AASDHPPT: variants seen among roughly 807,000 people sequenced by gnomAD.
AASDHPPT encodes aminoadipate-semialdehyde dehydrogenase-phosphopantetheinyl transferase, also known as L-aminoadipate-semialdehyde dehydrogenase-phosphopantetheinyl transferase.
In AASDHPPT, 23 loss-of-function variants were observed where a neutral mutation model predicts 36.4. The ratio of observed to expected loss-of-function variants is 0.63; its 90% CI spans 0.45 to 0.89. The LOEUF (loss-of-function observed/expected upper bound fraction) is 0.89, where lower values mean the gene tolerates loss of function less well. AASDHPPT is among the 40% of genes least tolerant of loss of function. AASDHPPT has a pLI of 0.00. For synonymous variants in AASDHPPT, 115 were observed against 128.0 expected (o/e 0.90, Z 0.68); for missense variants, 377 against 378.2 (o/e 1.00, Z 0.03).
chr11:106,089,528 T>C (rs962225164), intron 2 of AASDHPPT: 1 of 152,024 alleles, frequency 6.6e-6, no homozygotes, highest in Non-Finnish European at 1.5e-5. Flanking sequence ...TCACTTACCT[T>C]GGAACAGGCT....
At chr11:106,093,364 G>T (rs1220789989) in intron 4 of AASDHPPT, 1 of 151,976 alleles carries the variant, frequency 6.6e-6, no homozygotes, top group Non-Finnish European at 1.5e-5. Flanking sequence ...TATCTTATAT[G>T]CTAAATTTCT....
intron 2 of AASDHPPT, among the ~76,000 whole-genome samples, chr11:106,085,370 G>A (rs1186924622): frequency 6.6e-6 from 1 of 152,146 alleles, no homozygotes; most frequent in African/African-American, 2.4e-5. Flanking sequence ...CAAAGTGCTG[G>A]GATTACAGGC....
chr11:106,097,797 T>C lies in AASDHPPT; in HGVS notation c.*890T>C, dbSNP rs1049949727. 1 of 152,132 alleles carries C rather than the reference T, an allele frequency of 6.6e-6. No individual in the cohort carries two copies. Among genetic ancestry groups the C allele is most frequent in the African/African-American group, 2.4e-5 (1 of 41,444 alleles). The allele number at this position is 152,132 out of a possible 1,614,324, so 9.4% of individuals were successfully genotyped here. ...TGACATTTTTGGTCTCTGTTAGAAGTAGACTCTGTTGAAAAGAAAGAAGCT... is the reference window on the plus strand; with the variant it reads ...TGACATTTTTGGTCTCTGTTAGAAGCAGACTCTGTTGAAAAGAAAGAAGCT... On this transcript the variant is annotated 3_prime_UTR_variant, in exon 6 of 6. Coordinates refer to ENST00000278618, the MANE Select transcript of AASDHPPT (RefSeq NM_015423.3).
Position 106,096,776 on chromosome 11 carries a change from A to T in AASDHPPT, c.799A>T (p.Arg267Trp). 1 of 1,607,186 alleles carries T rather than the reference A, an allele frequency of 6.2e-7. No individual in the cohort carries two copies. Among genetic ancestry groups the T allele is most frequent in the South Asian group, 1.1e-5 (1 of 89,508 alleles). ...PSQDDSKPTQ[R>W]QFTILNFNDL... Reference sequence around the variant, plus strand: ...TCAGGATGATTCCAAACCAACCCAGAGGCAATTTACTATTCTCAACTTTAA... The same window carrying T: ...TCAGGATGATTCCAAACCAACCCAGTGGCAATTTACTATTCTCAACTTTAA... The change falls in exon 6 of 6, where the codon AGG (arginine) becomes TGG (tryptophan). Residue 267 changes from arginine (R) to tryptophan (W), a missense_variant. Physicochemically the swap from Arg to Trp is moderately radical, Grantham distance 101 (BLOSUM62 -3). Transcript: ENST00000278618.
intron 5 of AASDHPPT, 34 bp from the exon 6 acceptor site, chr11:106,096,709 T>TATAACA: frequency 6.7e-7 from 1 of 1,502,438 alleles, no homozygotes; most frequent in Non-Finnish European, 8.9e-7. Flanking sequence ...TAACATGCAA[T>TATAACA]ATAACAATAA....
chr11:106,091,447 T>A lies in AASDHPPT; in HGVS notation c.663T>A (p.Asp221Glu), dbSNP rs771993454. 1 of 1,586,834 alleles carries A rather than the reference T, an allele frequency of 6.3e-7. No homozygotes were observed. The highest frequency in any genetic ancestry group is 2.3e-5 in the East Asian group (1 of 44,244). Residue 221 changes from aspartate to glutamate, a missense_variant, in exon 4 of 6, where the codon GAT becomes GAA. Physicochemically the swap from Asp to Glu is conservative, Grantham distance 45. Transcript: ENST00000278618. ...QVYKETRLFL[D>E]GEEEKEWAFE... ...ATAAAGAAACACGTTTATTCCTGGATGGAGAGGAAGAAAAAGAATGGGCAT... is the reference window on the plus strand; with the variant it reads ...ATAAAGAAACACGTTTATTCCTGGAAGGAGAGGAAGAAAAAGAATGGGCAT...
intron 4 of AASDHPPT, chr11:106,093,344 A>G (rs1437346047): frequency 1.3e-5 from 2 of 152,256 alleles, no homozygotes; most frequent in African/African-American, 2.4e-5. Context: ...TTCAATACAT[A>G]TAAGAACTAT....
Position 106,079,309 on chromosome 11 carries a change from A to AT in AASDHPPT, c.184-156dup, listed in dbSNP as rs576251461. The stretch of plus-strand genomic sequence containing the variant: ...GCTTTAACTTTTTATCTACTTAAGC[A>AT]TTGCTTAAGTCTTAATTAACGTGTG... On this transcript the variant is annotated intron_variant, in intron 1 of 5. Transcript: ENST00000278618. 3.3e-5 allele frequency among the ~76,000 whole-genome samples: 5 copies of AT among 152,328 alleles called. No homozygotes were observed. In the South Asian group the frequency reaches 1.0e-3, roughly 32 times the overall value.
intron 2 of AASDHPPT, among the ~76,000 whole-genome samples, chr11:106,083,565 G>T (rs1861166164): frequency 6.6e-6 from 1 of 152,098 alleles, no homozygotes; most frequent in Non-Finnish European, 1.5e-5. Context: ...TGCCTTACCA[G>T]TTTCAAAAAC....
intron 2 of AASDHPPT, among the ~76,000 whole-genome samples, chr11:106,080,930 G>A (rs1198305549): frequency 6.6e-6 from 1 of 152,116 alleles, no homozygotes; most frequent in African/African-American, 2.4e-5. Flanking sequence ...TCTAAGCTAG[G>A]TTCTTTTGTT....
chr11:106,087,870 C>T (rs1042411871), intron 2 of AASDHPPT, among the ~76,000 whole-genome samples: 4 of 152,154 alleles, frequency 2.6e-5, no homozygotes, highest in African/African-American at 9.7e-5. Context: ...ATTATTAGAA[C>T]TTGCCAACGT....
At chr11:106,088,152 TA>T (rs1259430667) in intron 2 of AASDHPPT, among the ~76,000 whole-genome samples, 3 of 152,090 alleles carry the variant, frequency 2.0e-5, no homozygotes, top group Non-Finnish European at 2.9e-5. Flanking sequence ...TCGTATCGGA[TA>T]TTTTTTGGCT....
At chr11:106,092,328 A>G (rs997293631) in intron 4 of AASDHPPT, 1 of 152,154 alleles carries the variant, frequency 6.6e-6, no homozygotes, top group Non-Finnish European at 1.5e-5. Flanking sequence ...AACGGGCTAT[A>G]GAGCAGTTCT....
intron 2 of AASDHPPT, among the ~76,000 whole-genome samples, chr11:106,083,498 T>G (rs570734312): frequency 6.6e-6 from 1 of 152,276 alleles, no homozygotes; most frequent in East Asian, 1.9e-4. Flanking sequence ...TTACATACAT[T>G]TAAAGTTGTT....
chr11:106,086,536 A>C (rs1187529458), intron 2 of AASDHPPT, among the ~76,000 whole-genome samples: 1 of 152,202 alleles, frequency 6.6e-6, no homozygotes, highest in Non-Finnish European at 1.5e-5. Flanking sequence ...AGTAGAGTCC[A>C]TTCTCTGGCC....
chr11:106,079,394 G>T lies in AASDHPPT; in HGVS notation c.184-73G>T, dbSNP rs558125241. ...TGAAAATTTTAGAAACCAAAAAAAA[G>T]TACTATTGCATACAGTGTGCTTGTA... On this transcript the variant is annotated intron_variant, in intron 1 of 5. Coordinates refer to ENST00000278618, the MANE Select transcript of AASDHPPT (RefSeq NM_015423.3). 38 of 1,290,680 alleles carry T rather than the reference G, an allele frequency of 2.9e-5. No homozygotes were observed. In the African/African-American group the frequency reaches 4.5e-4, roughly 15 times the overall value. 80.0% of individuals were successfully genotyped at this position (1,290,680 alleles called of 1,614,324 possible).
chr11:106,082,455 G>C (rs896255714), intron 2 of AASDHPPT, among the ~76,000 whole-genome samples: 1 of 152,160 alleles, frequency 6.6e-6, no homozygotes, highest in Non-Finnish European at 1.5e-5. Context: ...AAAGTACTCT[G>C]TTTTGTACTA....
chr11:106,080,619 CAT>C (rs1463335925), intron 2 of AASDHPPT, among the ~76,000 whole-genome samples: 3 of 152,128 alleles, frequency 2.0e-5, no homozygotes, highest in Admixed American at 2.0e-4. Flanking sequence ...GTGCTTTAGA[CAT>C]ATTCTGTGAT....
intron 2 of AASDHPPT, among the ~76,000 whole-genome samples, chr11:106,089,859 A>G (rs1050510828): frequency 1.5e-4 from 23 of 152,034 alleles, no homozygotes; most frequent in Non-Finnish European, 4.4e-5. Flanking sequence ...TATCTATGAA[A>G]TAGTGGCACT....
Sources: gnomAD v4.1 joint callset for allele counts (sites outside exome capture counted in the v4.1 genomes callset) on GRCh38, gnomAD v4.1.1 for gene constraint, MANE v1.5 for transcripts, NCBI Gene and HGNC (gene_info 2026-07-23, HGNC 2026-07-21) for gene names.